Variants in MGAT4D observed in about 807,000 individuals in gnomAD.
MGAT4D encodes MGAT4 family member D, also known as alpha-1,3-mannosyl-glycoprotein 4-beta-N-acetylglucosaminyltransferase-like protein MGAT4D.
In MGAT4D, 34 loss-of-function variants were observed where a neutral mutation model predicts 15.9. The ratio of observed to expected loss-of-function variants is 2.14; its 90% CI spans 1.62 to 2.84. The LOEUF (loss-of-function observed/expected upper bound fraction) is 2.84. Ranked by LOEUF, MGAT4D falls within the 30% of genes most tolerant of loss-of-function variation. MGAT4D has a pLI of 0.00. For missense variants in MGAT4D, 327 were observed against 140.2 expected (o/e 2.33, Z -6.73); for synonymous variants, 112 against 48.2 (o/e 2.33, Z -5.49).
At chr4:140,457,061 A>G (rs1730858011) in intron 8 of MGAT4D, 1 of 153,910 alleles carries the variant, frequency 6.5e-6, no homozygotes, top group South Asian at 2.1e-4. Context: ...AATTTTGTAC[A>G]AACTGTATTT....
intron 7 of MGAT4D, among the ~76,000 whole-genome samples, chr4:140,460,017 C>T (rs2126720297): frequency 6.6e-6 from 1 of 152,130 alleles, no homozygotes; most frequent in Admixed American, 6.5e-5. Flanking sequence ...AGTGAGCCTC[C>T]CGCCTTGGCC....
chr4:140,459,560 TG>T lies in MGAT4D; in HGVS notation c.828del (p.Ser277ValfsTer16). On this transcript the variant is annotated frameshift_variant, in exon 8 of 11. Transcript: ENST00000511113. LOFTEE classifies it high-confidence loss of function. Reference protein sequence around the residue: ...FTKITDFVGNISSNNWFFIEF... With the variant: ...FTKITDFVGNXSSNNWFFIEF... The stretch of plus-strand genomic sequence containing the variant: ...TCAATAAAAAACCAATTATTTGAAC[TG>T]ATATTACCTACAAAATCTGTTATTT... 1 of 529,634 alleles carries T rather than the reference TG, an allele frequency of 1.9e-6. No homozygotes were observed. The highest frequency in any genetic ancestry group is 2.7e-5 in the South Asian group (1 of 36,762). 32.8% of individuals were successfully genotyped at this position (529,634 alleles called of 1,614,324 possible).
intron 10 of MGAT4D, among the ~76,000 whole-genome samples, chr4:140,446,362 T>C (rs1730121576): frequency 6.6e-6 from 1 of 152,202 alleles, no homozygotes; most frequent in Admixed American, 6.5e-5. Context: ...TGTTGGTCTA[T>C]TCAGGGATTC....
intron 9 of MGAT4D, among the ~76,000 whole-genome samples, chr4:140,455,102 T>C (rs554780860): frequency 5.9e-5 from 9 of 152,152 alleles, no homozygotes; most frequent in Non-Finnish European, 1.2e-4. Context: ...ATTATTTTCT[T>C]CCCTCTCTTC....
chr4:140,481,837 G>C (rs1299067083), intron 2 of MGAT4D, among the ~76,000 whole-genome samples: 1 of 152,216 alleles, frequency 6.6e-6, no homozygotes, highest in Non-Finnish European at 1.5e-5. Context: ...CATAAGGCAG[G>C]ACTTTTTGTC....
At chr4:140,493,287 C>CTTTT (rs551838799) in intron 1 of MGAT4D, among the ~76,000 whole-genome samples, 7 of 112,474 alleles carry the variant, frequency 6.2e-5, no homozygotes, top group African/African-American at 1.0e-4. Flanking sequence ...TGTTCCTTTA[C>CTTTT]TTTTTTTTTT....
intron 6 of MGAT4D, among the ~76,000 whole-genome samples, chr4:140,464,077 T>A (rs1731370266): frequency 1.3e-5 from 2 of 152,162 alleles, no homozygotes; most frequent in South Asian, 4.1e-4. Flanking sequence ...CCAGGATGAC[T>A]CCCACCTTTG....
Position 140,498,166 on chromosome 4 carries a change from G to A in MGAT4D, c.57C>T (p.Ser19=), listed in dbSNP as rs72718308. 4,383 of 702,692 alleles carry A rather than the reference G, an allele frequency of 6.2e-3. 31 individuals are homozygous for A. Among genetic ancestry groups the A allele is most frequent in the Middle Eastern group, 0.014 (60 of 4,370 alleles). The allele number at this position is 702,692 out of a possible 1,614,324, so 43.5% of individuals were successfully genotyped here. The change falls in exon 1 of 11, where the codon AGC becomes AGT. Residue 19 remains serine, a synonymous_variant. Transcript: ENST00000511113. The stretch of plus-strand genomic sequence containing the variant: ...TCCTGTAGATGGAGAAGCAAGAGAA[G>A]CTGAACAACGCGACGGCGACCAGGG... ...LITLVAVALF[S]FSCFSIYRIT...
At chr4:140,461,541 T>C (rs1010079595) in intron 7 of MGAT4D, among the ~76,000 whole-genome samples, 2 of 152,126 alleles carry the variant, frequency 1.3e-5, no homozygotes, top group African/African-American at 4.8e-5. Context: ...CAATGATAAG[T>C]GTATACAATG....
chr4:140,452,887 T>C (rs762631025), intron 9 of MGAT4D, among the ~76,000 whole-genome samples: 1 of 152,144 alleles, frequency 6.6e-6, no homozygotes, highest in Admixed American at 6.5e-5. Flanking sequence ...GATAGATGAT[T>C]TTTTGTGTTT....
intron 1 of MGAT4D, among the ~76,000 whole-genome samples, chr4:140,491,922 T>C (rs1355531311): frequency 6.6e-6 from 1 of 152,160 alleles, no homozygotes; most frequent in African/African-American, 2.4e-5. Context: ...TGCAGCAGAC[T>C]GTTTCTCCAA....
intron 9 of MGAT4D, among the ~76,000 whole-genome samples, chr4:140,453,866 T>C (rs1162688968): frequency 2.6e-5 from 4 of 152,118 alleles, no homozygotes; most frequent in African/African-American, 9.7e-5. Flanking sequence ...CAGTCTCAGG[T>C]AGTTACTTAT....
intron 1 of MGAT4D, among the ~76,000 whole-genome samples, chr4:140,484,488 T>C (rs1416999289): frequency 1.3e-5 from 2 of 152,180 alleles, no homozygotes; most frequent in South Asian, 4.1e-4. Context: ...GACATAGGCA[T>C]GGGCAAGGAC....
intron 1 of MGAT4D, among the ~76,000 whole-genome samples, chr4:140,490,407 C>T (rs573452808): frequency 7.2e-5 from 11 of 152,288 alleles, no homozygotes; most frequent in South Asian, 2.1e-4. Context: ...AAGCCTGGGA[C>T]GTGACCAGAA....
At chr4:140,451,230 C>A (rs11100659) in intron 10 of MGAT4D, among the ~76,000 whole-genome samples, 180 bp downstream of exon 10, 25,973 of 151,996 alleles carry the variant, frequency 0.17, 2,280 homozygotes, top group South Asian at 0.29. Flanking sequence ...TAACTTGGGG[C>A]TTTAAAAGAT....
chr4:140,489,154 A>G (rs1339702785), intron 1 of MGAT4D, among the ~76,000 whole-genome samples: 1 of 152,198 alleles, frequency 6.6e-6, no homozygotes, highest in East Asian at 1.9e-4. Flanking sequence ...AAGCATTGGC[A>G]GGTCACTTTA....
rs975789278 is a variant in MGAT4D, at chr4:140,481,088, G to A, written c.253+1239C>T. On this transcript the variant is annotated intron_variant, in intron 2 of 10. Coordinates refer to ENST00000511113, the MANE Select transcript of MGAT4D (RefSeq NM_001277353.2). Reference sequence around the variant, plus strand: ...TTTGGAAGGCTGAGGTGGGAGGCTTGCTTGAGGCCAGGAGTCCAAGATCAG... The same window carrying A: ...TTTGGAAGGCTGAGGTGGGAGGCTTACTTGAGGCCAGGAGTCCAAGATCAG... Among the ~76,000 whole-genome samples, 4 of 150,774 alleles carry A rather than the reference G, an allele frequency of 2.7e-5. No homozygotes were observed. In the Admixed American group the frequency reaches 2.7e-4, roughly 10 times the overall value.
chr4:140,492,100 G>A (rs1432453902), intron 1 of MGAT4D, among the ~76,000 whole-genome samples: 1 of 152,110 alleles, frequency 6.6e-6, no homozygotes, highest in South Asian at 2.1e-4. Context: ...GCCTTTAACT[G>A]GCTTGGCAGT....
rs1464345582 is a variant in MGAT4D at position 140,456,683 on chromosome 4, A to G, written c.914T>C (p.Val305Ala). The G allele has an allele frequency of 1.4e-6, 1 of 696,120 alleles. No homozygotes were observed. Among genetic ancestry groups the G allele is most frequent in the South Asian group, 1.5e-5 (1 of 66,064 alleles). The allele number at this position is 696,120 out of a possible 1,614,324, so 43.1% of individuals were successfully genotyped here. ...TTTGTAGAACATTAAAAAAAACCGT[A>G]CAAAGTGAGTTAAGTCCTCAGATCT... ...LFRSEDLTHF[V>A]RFFLMFYKEK... The change falls in exon 9 of 11, where the codon GTA becomes GCA. Residue 305 changes from valine to alanine, a missense_variant. By Grantham distance (64) the Val-to-Ala change is moderately conservative (BLOSUM62 0). Transcript: ENST00000511113.
Sources: gnomAD v4.1 joint callset for allele counts (sites outside exome capture counted in the v4.1 genomes callset) on GRCh38, gnomAD v4.1.1 for gene constraint, MANE v1.5 for transcripts, NCBI Gene and HGNC (gene_info 2026-07-23, HGNC 2026-07-21) for gene names.